The following PRDM6 variants were observed in gnomAD, a reference collection of about 807,000 sequenced individuals.
The protein encoded by PRDM6 is PR/SET domain 6.
PRDM6 carries 25 observed loss-of-function variants against 60.8 expected under a neutral mutation model. The ratio of observed to expected loss-of-function variants is 0.41; its 90% CI spans 0.30 to 0.57. The LOEUF (loss-of-function observed/expected upper bound fraction) is 0.57. Among genes scored for constraint, PRDM6 ranks in the 20% least tolerant of loss-of-function variants. The pLI is 0.27. For synonymous variants in PRDM6, 407 were observed against 357.4 expected, an observed-to-expected ratio of 1.14 and a Z score of -1.57; for missense variants, 839 against 821.3, an observed-to-expected ratio of 1.02 and a Z score of -0.26.
intron 2 of PRDM6, among the ~76,000 whole-genome samples, chr5:123,094,831 C>T (rs1300948883): frequency 6.6e-6 from 1 of 152,174 alleles, no homozygotes; most frequent in Non-Finnish European, 1.5e-5. Context: ...TTCTCTCACC[C>T]TCACAAACTG....
At chr5:123,116,050 C>T (rs1764435140) in intron 3 of PRDM6, among the ~76,000 whole-genome samples, 1 of 152,170 alleles carries the variant, frequency 6.6e-6, no homozygotes, top group Non-Finnish European at 1.5e-5. Flanking sequence ...AACTGGCTGA[C>T]TGTTTTGTTG....
At chr5:123,136,619 C>T (rs1410615578) in intron 3 of PRDM6, among the ~76,000 whole-genome samples, 1 of 152,106 alleles carries the variant, frequency 6.6e-6, no homozygotes, top group East Asian at 1.9e-4. Context: ...TTTTAATTCT[C>T]TTATTTGAGA....
At chr5:123,140,934 C>T (rs767700564) in intron 3 of PRDM6, among the ~76,000 whole-genome samples, 19 of 152,070 alleles carry the variant, frequency 1.2e-4, no homozygotes, top group African/African-American at 4.3e-4. Flanking sequence ...GCGTGTCCCC[C>T]TTTTAAATTG....
intron 3 of PRDM6, among the ~76,000 whole-genome samples, chr5:123,152,218 G>A (rs1362325165): frequency 6.6e-6 from 1 of 152,116 alleles, no homozygotes; most frequent in African/African-American, 2.4e-5. Flanking sequence ...TTACAGCTGG[G>A]CTTACAAATG....
intron 3 of PRDM6, among the ~76,000 whole-genome samples, chr5:123,134,840 A>G (rs552337526): frequency 6.6e-6 from 1 of 152,224 alleles, no homozygotes; most frequent in Non-Finnish European, 1.5e-5. Context: ...AGAGATCTGC[A>G]ATAGAATGTT....
chr5:123,120,802 T>A (rs1764562696), intron 3 of PRDM6, among the ~76,000 whole-genome samples: 1 of 152,224 alleles, frequency 6.6e-6, no homozygotes. Context: ...GTTAAACCCT[T>A]AGCATCTAGG....
chr5:123,113,984 A>C (rs1040877982), intron 3 of PRDM6, among the ~76,000 whole-genome samples: 3 of 152,152 alleles, frequency 2.0e-5, no homozygotes, highest in African/African-American at 7.2e-5. Context: ...GAAAATACCA[A>C]CTCTGGCTTT....
At chr5:123,153,538 A>G (rs981792623) in intron 3 of PRDM6, among the ~76,000 whole-genome samples, 1 of 152,196 alleles carries the variant, frequency 6.6e-6, no homozygotes, top group Non-Finnish European at 1.5e-5. Context: ...TAATGTTAGT[A>G]TTAGCTAAAG....
chr5:123,186,919 C>T (rs1044957890), intron 7 of PRDM6, among the ~76,000 whole-genome samples, 168 bp from the exon 8 acceptor site: 2 of 152,232 alleles, frequency 1.3e-5, no homozygotes, highest in Non-Finnish European at 2.9e-5. Context: ...CGGGCTTTGT[C>T]CCATCACAGG....
At chr5:123,094,563 T>C (rs1345236195) in intron 2 of PRDM6, among the ~76,000 whole-genome samples, 1 of 152,196 alleles carries the variant, frequency 6.6e-6, no homozygotes, top group African/African-American at 2.4e-5. Flanking sequence ...ATATATTAGA[T>C]TGAGGTTAGA....
chr5:123,090,785 G>T (rs1326253759), intron 2 of PRDM6, among the ~76,000 whole-genome samples, 179 bp downstream of exon 2: 1 of 152,194 alleles, frequency 6.6e-6, no homozygotes, highest in African/African-American at 2.4e-5. Flanking sequence ...GTTTTCTGGC[G>T]TTGGAGAAGG....
chr5:123,128,247 A>G (rs1764739524), intron 3 of PRDM6, among the ~76,000 whole-genome samples: 1 of 152,172 alleles, frequency 6.6e-6, no homozygotes, highest in Middle Eastern at 3.2e-3. Context: ...ATGTGTCTTT[A>G]TAGTAGCATG....
At position 123,174,014 on chromosome 5, in the gene PRDM6, C is replaced by T. The variant is rs556184136; in HGVS notation, c.1496+2906C>T. Among the ~76,000 whole-genome samples the T allele has an allele frequency of 1.5e-4, 23 of 152,320 alleles. No homozygotes were observed. The East Asian group carries it at 3.5e-3, about 23-fold the overall frequency. ...GGAACCTTTTTATGGTTATTATCCA[C>T]GTGGATTATTACTGCTGAATACAGG... is the stretch of plus-strand genomic sequence containing the variant. On this transcript the variant is annotated intron_variant, in intron 6 of 7. Coordinates refer to ENST00000407847, the MANE Select transcript of PRDM6 (RefSeq NM_001136239.4).
chr5:123,107,769 G>A (rs1389793026), intron 3 of PRDM6, among the ~76,000 whole-genome samples: 1 of 152,194 alleles, frequency 6.6e-6, no homozygotes, highest in Non-Finnish European at 1.5e-5. Flanking sequence ...TGATCTCAAG[G>A]TAGTTCTTTG....
intron 3 of PRDM6, among the ~76,000 whole-genome samples, chr5:123,122,644 C>T (rs1456895650): frequency 6.6e-6 from 1 of 152,086 alleles, no homozygotes; most frequent in African/African-American, 2.4e-5. Flanking sequence ...TTTTTTATTA[C>T]ATAGGATAAT....
chr5:123,171,151 G>T lies in PRDM6; in HGVS notation c.1496+43G>T. On this transcript the variant is annotated intron_variant, in intron 6 of 7. Coordinates refer to ENST00000407847, the MANE Select transcript of PRDM6 (RefSeq NM_001136239.4). ...TGCTGACAGTGTGTTTGCTTAGTGA[G>T]ACCCACTGCTTGCCTTCCCGCCAAC... 3 of 1,452,594 alleles carry T rather than the reference G, an allele frequency of 2.1e-6. No individual in the cohort carries two copies. The South Asian group carries it at 4.2e-5, about 20-fold the overall frequency. The allele number at this position is 1,452,594 out of a possible 1,614,324, so 90.0% of individuals were successfully genotyped here.
chr5:123,170,391 C>T (rs557464481), intron 5 of PRDM6, among the ~76,000 whole-genome samples: 1 of 152,340 alleles, frequency 6.6e-6, no homozygotes, highest in African/African-American at 2.4e-5. Context: ...CAGGGCTACC[C>T]TCTCTGGGCA....
intron 3 of PRDM6, among the ~76,000 whole-genome samples, chr5:123,125,215 T>C (rs2150220115): frequency 6.7e-6 from 1 of 149,894 alleles, no homozygotes; most frequent in Admixed American, 6.6e-5. Context: ...AGTGCATAGA[T>C]CCCAGGGACT....
rs192934209 is a variant in PRDM6 at position 123,152,855 on chromosome 5, A to T, written c.901-3029A>T. Among the ~76,000 whole-genome samples the T allele has an allele frequency of 2.2e-3, 334 of 152,346 alleles. 1 individual carries two copies. The highest frequency in any genetic ancestry group is 7.6e-3 in the African/African-American group (314 of 41,586). On this transcript the variant is annotated intron_variant, in intron 3 of 7. Transcript: ENST00000407847. Reference sequence around the variant, plus strand: ...CCTTTCTTGTGGTAGCTTTCGGTTAATGCCATGCATGATTTGTAATGAGTG... The same window carrying T: ...CCTTTCTTGTGGTAGCTTTCGGTTATTGCCATGCATGATTTGTAATGAGTG...
Sources: allele counts gnomAD v4.1 joint callset (sites outside exome capture counted in the v4.1 genomes callset), GRCh38; gene constraint gnomAD v4.1.1; transcripts MANE v1.5; gene names NCBI Gene and HGNC (gene_info 2026-07-23, HGNC 2026-07-21).